AGBL2: variants seen among roughly 807,000 people sequenced by gnomAD.
AGBL2 encodes the protein AGBL carboxypeptidase 2.
A neutral mutation model predicts 103.0 loss-of-function variants in AGBL2; 87 were observed. That is an observed-to-expected ratio of 0.84 (90% CI 0.71 to 1.01). The LOEUF is 1.01. Among genes scored for constraint, AGBL2 ranks in the 50% least tolerant of loss-of-function variants. The probability of loss-of-function intolerance (pLI) is 0.00; values close to 1 mark genes in which losing one functional copy is unlikely to be tolerated. For missense variants in AGBL2, 904 were observed against 1,023.5 expected (o/e 0.88, Z 1.59); for synonymous variants, 335 against 356.7 (o/e 0.94, Z 0.69).
Position 47,661,509 on chromosome 11 carries a change from C to T in AGBL2, c.2536-1163G>A, listed in dbSNP as rs188672465. Among the ~76,000 whole-genome samples the T allele has an allele frequency of 6.2e-4, 95 of 152,216 alleles. 1 individual carries two copies. The East Asian group carries it at 0.014, about 23-fold the overall frequency. ...TCTTGTCTTCATGTCTTTTAAGGGC[C>T]TTGCACATAGTAGACACTAGAAGAC... On this transcript the variant is annotated intron_variant, in intron 18 of 18. Coordinates refer to ENST00000525123, the MANE Select transcript of AGBL2 (RefSeq NM_024783.4).
rs765290186 is a variant in AGBL2 at position 47,660,337 on chromosome 11, G to T, written c.2545C>A (p.Pro849Thr). ...KNKGRMQNKK[P>T]GFTVSCSPKR... ...GGAGAGCATGATACTGTAAAGCCTG[G>T]CTTCTTATTCTGTGCAAATAAGATT... Residue 849 changes from proline (P) to threonine (T), a missense_variant, in exon 19 of 19, where the codon CCA (proline) becomes ACA (threonine). Physicochemically the swap from Pro to Thr is conservative, Grantham distance 38. Transcript: ENST00000525123. The T allele has an allele frequency of 7.4e-6, 12 of 1,611,058 alleles. No homozygotes were observed. Among genetic ancestry groups the T allele is most frequent in the Non-Finnish European group, 1.0e-5 (12 of 1,179,166 alleles).
intron 14 of AGBL2, among the ~76,000 whole-genome samples, chr11:47,670,292 C>T (rs1307004082): frequency 2.6e-5 from 4 of 152,068 alleles, no homozygotes; most frequent in African/African-American, 7.2e-5. Flanking sequence ...TGAGCCTGGG[C>T]GATACAGTAC....
chr11:47,699,528 A>G lies in AGBL2; in HGVS notation c.612T>C (p.Tyr204=). The G allele has an allele frequency of 1.9e-6, 3 of 1,608,138 alleles. No individual in the cohort carries two copies. Among genetic ancestry groups the G allele is most frequent in the Non-Finnish European group, 2.5e-6 (3 of 1,177,502 alleles). ...HIEWAPPQPE[Y]FYQPKGNEKV... ...TTTCATTTCCTTTAGGCTGATAGAA[A>G]TATTCTGGTTGAGGTGGAGCCCACT... Residue 204 remains tyrosine (Y), a synonymous_variant, in exon 8 of 19, where the codon TAT becomes TAC. Transcript: ENST00000525123.
At chr11:47,699,350 A>G in intron 8 of AGBL2, 96 bp downstream of exon 8, 1 of 715,514 alleles carries the variant, frequency 1.4e-6, no homozygotes, top group Non-Finnish European at 2.2e-6. Flanking sequence ...GTTTACCACT[A>G]AACTATGGAT....
Position 47,677,236 on chromosome 11 carries a change from T to TA in AGBL2, c.2147+34dup, listed in dbSNP as rs199768280. ...TCACCCAGGTTAACAACAAAGTATT[T>TA]AAAAAAAAACAAAACTCTGTTTTTT... On this transcript the variant is annotated intron_variant, in intron 14 of 18. Coordinates refer to ENST00000525123, the MANE Select transcript of AGBL2 (RefSeq NM_024783.4). 1.9e-3 allele frequency: 2,771 copies of TA among 1,442,378 alleles called. 9 individuals carry two copies. The highest frequency in any genetic ancestry group is 0.013 in the African/African-American group (892 of 68,148). The allele number at this position is 1,442,378 out of a possible 1,614,324, so 89.3% of individuals were successfully genotyped here.
chr11:47,707,385 G>T (rs898629253), intron 4 of AGBL2, among the ~76,000 whole-genome samples: 1 of 152,316 alleles, frequency 6.6e-6, no homozygotes. Flanking sequence ...ACACTTCCAC[G>T]TGGCTGGGGA....
At chr11:47,692,003 A>C (rs2097449440) in intron 9 of AGBL2, 100 bp downstream of exon 9, 5 of 1,089,982 alleles carry the variant, frequency 4.6e-6, no homozygotes, top group South Asian at 4.7e-5. Flanking sequence ...ATTCCCCATC[A>C]CCTCTTTCTT....
rs946559354 is a variant in AGBL2 at position 47,687,146 on chromosome 11, T to A, written c.1632-1097A>T. Among the ~76,000 whole-genome samples the A allele has an allele frequency of 1.3e-4, 19 of 150,156 alleles. No individual in the cohort carries two copies. In the East Asian group the frequency reaches 2.5e-3, roughly 20 times the overall value. Reference sequence around the variant, plus strand: ...AGTATAATAATAATAAAAAAATAAATAAATAAATAATAAAAAAAAATAAAG... The same window carrying A: ...AGTATAATAATAATAAAAAAATAAAAAAATAAATAATAAAAAAAAATAAAG... On this transcript the variant is annotated intron_variant, in intron 10 of 18. Coordinates refer to ENST00000525123, the MANE Select transcript of AGBL2 (RefSeq NM_024783.4).
intron 17 of AGBL2, 35 bp from the exon 18 acceptor site, chr11:47,663,147 C>T (rs1384154001): frequency 3.6e-6 from 5 of 1,394,306 alleles, no homozygotes; most frequent in South Asian, 2.5e-5. Flanking sequence ...CTAAATTTTC[C>T]ACTTGAGCAA....
chr11:47,679,766 C>T (rs1046976237), intron 13 of AGBL2, among the ~76,000 whole-genome samples: 32 of 151,754 alleles, frequency 2.1e-4, no homozygotes, highest in African/African-American at 6.8e-4. Context: ...CTCAGCCTCC[C>T]GAGAGCTGGG....
chr11:47,664,672 A>C (rs1241516645), intron 17 of AGBL2, among the ~76,000 whole-genome samples: 3 of 151,874 alleles, frequency 2.0e-5, no homozygotes, highest in African/African-American at 7.3e-5. Flanking sequence ...CAGCCTCCCA[A>C]AGTGTTGGGA....
At chr11:47,697,419 T>C (rs2097479317) in intron 8 of AGBL2, among the ~76,000 whole-genome samples, 1 of 152,020 alleles carries the variant, frequency 6.6e-6, no homozygotes, top group Non-Finnish European at 1.5e-5. Flanking sequence ...TTTGTATTTT[T>C]AGTAGAGATG....
intron 4 of AGBL2, 77 bp downstream of exon 4, chr11:47,710,300 A>G: frequency 6.3e-7 from 1 of 1,584,696 alleles, no homozygotes; most frequent in Non-Finnish European, 8.6e-7. Flanking sequence ...CCCATGTTAG[A>G]GCAGATTCTT....
chr11:47,695,058 G>A (rs925959095), intron 8 of AGBL2, among the ~76,000 whole-genome samples: 3 of 152,166 alleles, frequency 2.0e-5, no homozygotes, highest in African/African-American at 7.2e-5. Flanking sequence ...GCTGAGGCAG[G>A]AGAATTGCTT....
In AGBL2 at chr11:47,685,915, A is replaced by T; in HGVS notation, c.1766T>A (p.Leu589Ter). Reference protein sequence around the residue: ...WLHERVFPLMLCKNAPDKFSF... With the variant: ...WLHERVFPLM ...TACCTTATCTGGTGCATTTTTGCAT[A>T]ACATTAAAGGAAAGACTCGTTCATG... The change falls in exon 11 of 19, where the codon TTA becomes TAA. Residue 589 changes from leucine to a stop codon, truncating the protein, a stop_gained. Transcript: ENST00000525123. LOFTEE classifies it high-confidence loss of function. The T allele has an allele frequency of 1.2e-6, 2 of 1,613,850 alleles. No individual in the cohort carries two copies. Among genetic ancestry groups the T allele is most frequent in the Non-Finnish European group, 1.7e-6 (2 of 1,179,914 alleles).
At position 47,682,041 on chromosome 11, in the gene AGBL2, G is replaced by A. The variant is rs370788989; in HGVS notation, c.1843C>T (p.Arg615Ter). The change falls in exon 12 of 19, where the codon CGA becomes TGA. Residue 615 changes from arginine to a stop codon, truncating the protein, a stop_gained. Coordinates refer to ENST00000525123, the MANE Select transcript of AGBL2 (RefSeq NM_024783.4). LOFTEE classifies it high-confidence loss of function. ...KVQKCKEGTG[R>*]VVMWRMGILN... is the part of the protein sequence containing the mutation. ...ATTCCCATCCGCCACATAACAACTC[G>A]TCCTGTTCCTTCTTTGCATTTTTGG... 7 of 1,614,046 alleles carry A rather than the reference G, an allele frequency of 4.3e-6. No homozygotes were observed. Among genetic ancestry groups the A allele is most frequent in the Non-Finnish European group, 5.9e-6 (7 of 1,179,988 alleles).
At chr11:47,694,909 G>A (rs569943551) in intron 8 of AGBL2, among the ~76,000 whole-genome samples, 1 of 152,286 alleles carries the variant, frequency 6.6e-6, no homozygotes, top group Admixed American at 6.5e-5. Flanking sequence ...AGCACTTTGG[G>A]AGGCTGAGGC....
At chr11:47,700,615 CA>C (rs2097494764) in intron 7 of AGBL2, among the ~76,000 whole-genome samples, 2 of 152,066 alleles carry the variant, frequency 1.3e-5, no homozygotes, top group Non-Finnish European at 2.9e-5. Context: ...AACAAACAAA[CA>C]AACAAACATT....
chr11:47,702,533 C>T (rs1184461343), intron 7 of AGBL2, among the ~76,000 whole-genome samples: 1 of 152,120 alleles, frequency 6.6e-6, no homozygotes, highest in Non-Finnish European at 1.5e-5. Context: ...CTGTACTTAG[C>T]ATATAACAAC....
Sources: allele counts gnomAD v4.1 joint callset (sites outside exome capture counted in the v4.1 genomes callset), GRCh38; gene constraint gnomAD v4.1.1; transcripts MANE v1.5; gene names NCBI Gene and HGNC (gene_info 2026-07-23, HGNC 2026-07-21).